Variants in KCNQ1 observed in about 807,000 individuals in gnomAD.
KCNQ1 encodes potassium voltage-gated channel subfamily KQT member 1.
A neutral mutation model predicts 72.4 loss-of-function variants in KCNQ1; 49 were observed. The observed-to-expected ratio is 0.68, with a 90% CI of 0.54 to 0.86. The LOEUF (loss-of-function observed/expected upper bound fraction) is 0.86, where lower values mean the gene tolerates loss of function less well. KCNQ1 is among the 40% of genes least tolerant of loss of function. The pLI, the probability that KCNQ1 is intolerant of heterozygous loss-of-function variation, is 0.00. For missense variants in KCNQ1, 790 were observed against 945.1 expected, an observed-to-expected ratio of 0.84 and a Z score of 2.15; for synonymous variants, 450 against 412.6, an observed-to-expected ratio of 1.09 and a Z score of -1.10.
intron 11 of KCNQ1, among the ~76,000 whole-genome samples, chr11:2,714,796 C>A (rs4930149): frequency 0.13 from 19,008 of 152,032 alleles, 1,287 homozygotes; most frequent in African/African-American, 0.17. Context: ...GTCATCTTTC[C>A]AATGGTGGCA....
At chr11:2,840,422 G>A (rs1423664064) in intron 15 of KCNQ1, 1 of 152,204 alleles carries the variant, frequency 6.6e-6, no homozygotes, top group Non-Finnish European at 1.5e-5. Context: ...TCCATAAGTG[G>A]TGGGGTATCA....
At chr11:2,455,924 C>G (rs1418009118) in intron 1 of KCNQ1, among the ~76,000 whole-genome samples, 2 of 152,186 alleles carry the variant, frequency 1.3e-5, no homozygotes, top group Non-Finnish European at 1.5e-5. Flanking sequence ...TCAATAAAAT[C>G]AACAAAAATA....
At chr11:2,685,886 G>C (rs1850480211) in intron 11 of KCNQ1, 5 of 398,574 alleles carry the variant, frequency 1.3e-5, no homozygotes, top group Admixed American at 4.4e-5. Flanking sequence ...CTAGACTAGG[G>C]AAGAACTTGT....
chr11:2,810,365 A>G (rs1847462686), intron 15 of KCNQ1, among the ~76,000 whole-genome samples: 1 of 152,240 alleles, frequency 6.6e-6, no homozygotes, highest in Non-Finnish European at 1.5e-5. Flanking sequence ...GGAGGCCACC[A>G]TCTCTGTTCT....
Position 2,762,890 on chromosome 11 carries a change from G to A in KCNQ1, c.1515-5954G>A, listed in dbSNP as rs1368071391. On this transcript the variant is annotated intron_variant, in intron 11 of 15. Coordinates refer to ENST00000155840, the MANE Select transcript of KCNQ1 (RefSeq NM_000218.3). The surrounding 1 kb of genome is among the most constrained non-coding windows in gnomAD (Gnocchi z 4.3). ...GGTTGGGGAACCACTGCCCTATTCC[G>A]TCAGACCCCCACTGTTCATCTGTCT... Among the ~76,000 whole-genome samples the A allele has an allele frequency of 6.6e-6, 1 of 151,522 alleles. No homozygotes were observed. The highest frequency in any genetic ancestry group is 1.5e-5 in the Non-Finnish European group (1 of 67,972).
chr11:2,563,672 C>G lies in KCNQ1; in HGVS notation c.478-6956C>G, dbSNP rs567454494. Among the ~76,000 whole-genome samples, 2 of 152,196 alleles carry G rather than the reference C, an allele frequency of 1.3e-5. No individual in the cohort carries two copies. Among genetic ancestry groups the G allele is most frequent in the Admixed American group, 6.5e-5 (1 of 15,282 alleles). On this transcript the variant is annotated intron_variant, in intron 2 of 15. Transcript: ENST00000155840. This position sits in a 1 kb window ranked among gnomAD's most constrained non-coding sequence, Gnocchi z 7.4. The stretch of plus-strand genomic sequence containing the variant: ...TGTCCCGTTGGCATCCAGGGCCCCC[C>G]GTGAAGGATGGCACCGAGCACCATT...
intron 1 of KCNQ1, among the ~76,000 whole-genome samples, chr11:2,499,628 T>G (rs1373063886): frequency 2.0e-5 from 3 of 151,534 alleles, no homozygotes; most frequent in African/African-American, 7.3e-5. Flanking sequence ...AAAAAGATAT[T>G]CCGTGCCAAT....
chr11:2,594,896 G>C (rs1470501466), intron 10 of KCNQ1, among the ~76,000 whole-genome samples: 2 of 152,094 alleles, frequency 1.3e-5, no homozygotes, highest in African/African-American at 4.8e-5. Context: ...TCTGACTCTT[G>C]CTCATGATGG....
rs140850790 is a variant in KCNQ1 at position 2,543,133 on chromosome 11, C to G, written c.477+15115C>G. ...CCAGGAAACATCTTTGGTGACATAT[C>G]TTTTTAAATGTTTCACCCATTGTAA... On this transcript the variant is annotated intron_variant, in intron 2 of 15. Transcript: ENST00000155840. The surrounding 1 kb of genome is among the most constrained non-coding windows in gnomAD (Gnocchi z 5.6). 3.0e-3 allele frequency among the ~76,000 whole-genome samples: 453 copies of G among 152,262 alleles called. No homozygotes were observed. Among genetic ancestry groups the G allele is most frequent in the African/African-American group, 0.01 (419 of 41,524 alleles).
At position 2,767,069 on chromosome 11, in the gene KCNQ1, G is replaced by A. The variant is rs1426800386; in HGVS notation, c.1515-1775G>A. The stretch of plus-strand genomic sequence containing the variant: ...GTGTGCACCTGCTACTCAGGAGGCT[G>A]AGGCAGAAAAATCACTTGAACCCGG... On this transcript the variant is annotated intron_variant, in intron 11 of 15. Transcript: ENST00000155840. This position sits in a 1 kb window ranked among gnomAD's most constrained non-coding sequence, Gnocchi z 4.6. 6.6e-6 allele frequency among the ~76,000 whole-genome samples: 1 copy of A among 152,230 alleles called. No individual in the cohort carries two copies. Among genetic ancestry groups the A allele is most frequent in the African/African-American group, 2.4e-5 (1 of 41,458 alleles).
At chr11:2,666,498 C>T in intron 11 of KCNQ1, 1 of 398,700 alleles carries the variant, frequency 2.5e-6, no homozygotes, top group Non-Finnish European at 4.4e-6. Flanking sequence ...TTGCTCTTTT[C>T]CAGCAAGGCC....
In KCNQ1 at chr11:2,816,446, C is replaced by T. The variant is rs1160883000; in HGVS notation, c.1795-31321C>T. The stretch of plus-strand genomic sequence containing the variant: ...CAGTGATCTCCTTCTGAGAATCCGC[C>T]CTGGAGCAGTAACACCCTTGGGACT... On this transcript the variant is annotated intron_variant, in intron 15 of 15. Transcript: ENST00000155840. The surrounding 1 kb of genome is among the most constrained non-coding windows in gnomAD (Gnocchi z 6.8). 6.6e-6 allele frequency among the ~76,000 whole-genome samples: 1 copy of T among 152,114 alleles called. No homozygotes were observed. The highest frequency in any genetic ancestry group is 2.1e-4 in the South Asian group (1 of 4,828).
rs1448096784 is a variant in KCNQ1 at position 2,661,362 on chromosome 11, G to A, written c.1394-599G>A. On this transcript the variant is annotated intron_variant, in intron 10 of 15. Transcript: ENST00000155840. This position sits in a 1 kb window ranked among gnomAD's most constrained non-coding sequence, Gnocchi z 5.9. Reference sequence around the variant, plus strand: ...GCTCCTGTGTCAAAGTTGCAGAGGTGGGCCCAGGAATCATAATGTGAAGCC... The same window carrying A: ...GCTCCTGTGTCAAAGTTGCAGAGGTAGGCCCAGGAATCATAATGTGAAGCC... 9.9e-6 allele frequency: 4 copies of A among 405,870 alleles called. No individual in the cohort carries two copies. The highest frequency in any genetic ancestry group is 4.1e-5 in the Admixed American group (1 of 24,538). The allele number at this position is 405,870 out of a possible 1,614,324, so 25.1% of individuals were successfully genotyped here.
At position 2,645,461 on chromosome 11, in the gene KCNQ1, G is replaced by T. The variant is rs909439087; in HGVS notation, c.1394-16500G>T. ...TGACTGTGGTAGGCAGGCACAGGAA[G>T]ATCCCTGTATACCCTGCTGAATGCT... is the stretch of plus-strand genomic sequence containing the variant. On this transcript the variant is annotated intron_variant, in intron 10 of 15. Transcript: ENST00000155840. The surrounding 1 kb of genome is among the most constrained non-coding windows in gnomAD (Gnocchi z 5.8). The T allele has an allele frequency of 7.5e-6, 3 of 398,584 alleles. No individual in the cohort carries two copies. Among genetic ancestry groups the T allele is most frequent in the Non-Finnish European group, 8.8e-6 (2 of 226,130 alleles). The allele number at this position is 398,584 out of a possible 1,614,324, so 24.7% of individuals were successfully genotyped here. A position where few individuals can be genotyped will look rare whatever the true frequency, so the allele number is the denominator to read the frequency against.
intron 15 of KCNQ1, among the ~76,000 whole-genome samples, chr11:2,843,172 AC>A (rs1306436699): frequency 6.6e-6 from 1 of 152,230 alleles, no homozygotes; most frequent in African/African-American, 2.4e-5. Flanking sequence ...AACACGGTCG[AC>A]TTTTGTCCAA....
Position 2,478,715 on chromosome 11 carries a change from C to G in KCNQ1, c.386+33231C>G, listed in dbSNP as rs1223107930. Among the ~76,000 whole-genome samples the G allele has an allele frequency of 1.3e-5, 2 of 152,118 alleles. No individual in the cohort carries two copies. The highest frequency in any genetic ancestry group is 1.5e-5 in the Non-Finnish European group (1 of 68,016). On this transcript the variant is annotated intron_variant, in intron 1 of 15. Coordinates refer to ENST00000155840, the MANE Select transcript of KCNQ1 (RefSeq NM_000218.3). This position sits in a 1 kb window ranked among gnomAD's most constrained non-coding sequence, Gnocchi z 4.0. The stretch of plus-strand genomic sequence containing the variant: ...CCATATCATTCCACCCCGGCCCCTC[C>G]CTAATCTCATGTCCTCACATTTCAA...
At position 2,803,330 on chromosome 11, in the gene KCNQ1, C is replaced by T. The variant is rs1178608548; in HGVS notation, c.1794+25293C>T. ...TCCTGGGGGCCCAGGTCAGCCTGGA[C>T]GGTGGCAGGACTCGGCGAGGTGGGG... On this transcript the variant is annotated intron_variant, in intron 15 of 15. Coordinates refer to ENST00000155840, the MANE Select transcript of KCNQ1 (RefSeq NM_000218.3). The surrounding 1 kb of genome is among the most constrained non-coding windows in gnomAD (Gnocchi z 6.4). 6.6e-6 allele frequency among the ~76,000 whole-genome samples: 1 copy of T among 152,170 alleles called. No individual in the cohort carries two copies. The highest frequency in any genetic ancestry group is 1.5e-5 in the Non-Finnish European group (1 of 68,008).
At position 2,445,394 on chromosome 11, in the gene KCNQ1, C is replaced by G. The variant is rs370435862; in HGVS notation, c.296C>G (p.Pro99Arg). Residue 99 changes from proline to arginine, a missense_variant, in exon 1 of 16, where the codon CCG becomes CGG. By Grantham distance (103) the Pro-to-Arg change is moderately radical. Coordinates refer to ENST00000155840, the MANE Select transcript of KCNQ1 (RefSeq NM_000218.3). Reference protein sequence around the residue: ...PRVSIYSTRRPVLARTHVQGR... With the variant: ...PRVSIYSTRRRVLARTHVQGR... ...GTCTCCATCTACAGCACGCGCCGCC[C>G]GGTGTTGGCGCGCACCCACGTCCAG... 41 of 1,597,760 alleles carry G rather than the reference C, an allele frequency of 2.6e-5. No individual in the cohort carries two copies. The highest frequency in any genetic ancestry group is 1.2e-4 in the African/African-American group (9 of 74,916).
Position 2,723,248 on chromosome 11 carries a change from T to G in KCNQ1, c.1515-45596T>G, listed in dbSNP as rs1027278109. On this transcript the variant is annotated intron_variant, in intron 11 of 15. Transcript: ENST00000155840. The surrounding 1 kb of genome is among the most constrained non-coding windows in gnomAD (Gnocchi z 4.2). ...CTGCTTACCCCACTCCCTGCCGCCCTGGACAAGGTGCCCACGGCCCTGTCC... is the reference window on the plus strand; with the variant it reads ...CTGCTTACCCCACTCCCTGCCGCCCGGGACAAGGTGCCCACGGCCCTGTCC... 2.0e-5 allele frequency among the ~76,000 whole-genome samples: 3 copies of G among 152,120 alleles called. No homozygotes were observed. Among genetic ancestry groups the G allele is most frequent in the Non-Finnish European group, 4.4e-5 (3 of 67,994 alleles).
Sources: gnomAD v4.1 joint callset for allele counts (sites outside exome capture counted in the v4.1 genomes callset) on GRCh38, gnomAD v4.1.1 for gene constraint, Gnocchi (gnomAD v3.1) non-coding constraint, MANE v1.5 for transcripts, NCBI Gene and HGNC (gene_info 2026-07-23, HGNC 2026-07-21) for gene names.